The following MAL2 variants were observed in gnomAD, a reference collection of about 807,000 sequenced individuals.
MAL2 encodes mal, T cell differentiation protein 2.
A neutral mutation model predicts 18.1 loss-of-function variants in MAL2; 17 were observed. That is an observed-to-expected ratio of 0.94 (90% CI 0.64 to 1.41). The LOEUF (loss-of-function observed/expected upper bound fraction) is 1.41, where lower values mean the gene tolerates loss of function less well. Among genes scored for constraint, MAL2 ranks in the 40% most tolerant of loss-of-function variants. The pLI is 0.00. For synonymous variants in MAL2, 102 were observed against 102.3 expected, an observed-to-expected ratio of 1.00 and a Z score of 0.02; for missense variants, 222 against 231.9, an observed-to-expected ratio of 0.96 and a Z score of 0.28.
At chr8:119,230,422 A>G (rs1563774039) in intron 2 of MAL2, among the ~76,000 whole-genome samples, 1 of 150,002 alleles carries the variant, frequency 6.7e-6, no homozygotes, top group African/African-American at 2.4e-5. Context: ...GGGAGGAAGA[A>G]GCAAAATTGG....
At chr8:119,238,731 A>G (rs1817971190) in intron 2 of MAL2, among the ~76,000 whole-genome samples, 1 of 150,586 alleles carries the variant, frequency 6.6e-6, no homozygotes, top group Non-Finnish European at 1.5e-5. Context: ...ATATGTAGAA[A>G]GCTGAAACTG....
intron 2 of MAL2, among the ~76,000 whole-genome samples, chr8:119,235,328 G>A (rs925735766): frequency 2.0e-5 from 3 of 152,132 alleles, no homozygotes; most frequent in Non-Finnish European, 4.4e-5. Flanking sequence ...GTCTGATTGG[G>A]GTACCTGAAA....
intron 2 of MAL2, among the ~76,000 whole-genome samples, chr8:119,236,407 T>A (rs1469923815): frequency 6.6e-6 from 1 of 151,558 alleles, no homozygotes; most frequent in Non-Finnish European, 1.5e-5. Context: ...TCAACAAGGA[T>A]ACCCAGGAAT....
At position 119,208,727 on chromosome 8, in the gene MAL2, C is replaced by A; in HGVS notation, c.132+123C>A. The stretch of plus-strand genomic sequence containing the variant: ...CTCCTTCCCTTCGACGTGGCTTTGT[C>A]CTGCGCTCCCTCCCGGGGTCCTCTC... On this transcript the variant is annotated intron_variant, in intron 1 of 3. Coordinates refer to ENST00000614891, the MANE Select transcript of MAL2 (RefSeq NM_052886.3). This position sits in a 1 kb window ranked among gnomAD's most constrained non-coding sequence, Gnocchi z 4.3. The A allele has an allele frequency of 8.3e-7, 1 of 1,209,114 alleles. No individual in the cohort carries two copies. Among genetic ancestry groups the A allele is most frequent in the Non-Finnish European group, 1.0e-6 (1 of 971,910 alleles). 74.9% of individuals were successfully genotyped at this position (1,209,114 alleles called of 1,614,324 possible).
rs1455941616 is a variant in MAL2, at chr8:119,208,423, AGGCGGGAGGCGGC to A, written c.-44_-32del. Reference sequence around the variant, plus strand: ...GCGGCGGCAGGAGCCCGGGAGGCGGAGGCGGGAGGCGGCGGCGGCGCGCGGAGACGCAGCAGCG... The same window carrying A: ...GCGGCGGCAGGAGCCCGGGAGGCGGAGGCGGCGCGCGGAGACGCAGCAGCG... On this transcript the variant is annotated 5_prime_UTR_variant, in exon 1 of 4. Coordinates refer to ENST00000614891, the MANE Select transcript of MAL2 (RefSeq NM_052886.3). This position sits in a 1 kb window ranked among gnomAD's most constrained non-coding sequence, Gnocchi z 4.3. 26 of 1,048,622 alleles carry A rather than the reference AGGCGGGAGGCGGC, an allele frequency of 2.5e-5. No individual in the cohort carries two copies. In the South Asian group the frequency reaches 3.6e-4, roughly 15 times the overall value. The allele number at this position is 1,048,622 out of a possible 1,614,324, so 65.0% of individuals were successfully genotyped here. A position where few individuals can be genotyped will look rare whatever the true frequency, so the allele number is the denominator to read the frequency against.
chr8:119,219,500 G>A (rs191392501), intron 1 of MAL2, among the ~76,000 whole-genome samples: 37 of 151,372 alleles, frequency 2.4e-4, no homozygotes, highest in African/African-American at 6.8e-4. Context: ...ATTTAAGAGC[G>A]TGCTCTATCA....
chr8:119,225,806 G>T (rs1214139417), intron 2 of MAL2, among the ~76,000 whole-genome samples: 5 of 152,114 alleles, frequency 3.3e-5, no homozygotes, highest in African/African-American at 9.7e-5. Flanking sequence ...TTTAATGATT[G>T]CCATTCTAAC....
intron 2 of MAL2, chr8:119,223,340 G>A (rs1817508149): frequency 6.6e-6 from 1 of 152,216 alleles, no homozygotes; most frequent in Admixed American, 6.5e-5. Flanking sequence ...TAGTAGCTGT[G>A]TAGCCTCGGG....
At chr8:119,209,828 G>C (rs1197146150) in intron 1 of MAL2, among the ~76,000 whole-genome samples, 1 of 152,200 alleles carries the variant, frequency 6.6e-6, no homozygotes, top group Non-Finnish European at 1.5e-5. Context: ...TCCTGACTGC[G>C]AGGCTGGTTT....
At chr8:119,220,590 C>A (rs1323316757) in intron 1 of MAL2, among the ~76,000 whole-genome samples, 1 of 152,148 alleles carries the variant, frequency 6.6e-6, no homozygotes, top group Non-Finnish European at 1.5e-5. Context: ...GCTTCAGCAC[C>A]TCCTCGCTCA....
At chr8:119,229,807 G>GT (rs917341547) in intron 2 of MAL2, among the ~76,000 whole-genome samples, 8 of 152,072 alleles carry the variant, frequency 5.3e-5, no homozygotes, top group Admixed American at 1.3e-4. Flanking sequence ...AAAGCTCAGG[G>GT]TTTTTTTCTC....
chr8:119,216,942 A>G (rs1262623973), intron 1 of MAL2, among the ~76,000 whole-genome samples: 1 of 152,220 alleles, frequency 6.6e-6, no homozygotes, highest in Non-Finnish European at 1.5e-5. Flanking sequence ...TTAGGAAATA[A>G]GTGACATTTG....
At chr8:119,229,452 A>G (rs529196649) in intron 2 of MAL2, among the ~76,000 whole-genome samples, 1 of 151,988 alleles carries the variant, frequency 6.6e-6, no homozygotes, top group South Asian at 2.1e-4. Context: ...AACTGGGATT[A>G]CAGGCATGCA....
intron 2 of MAL2, among the ~76,000 whole-genome samples, chr8:119,237,447 C>A (rs1180166386): frequency 6.6e-6 from 1 of 151,508 alleles, no homozygotes; most frequent in Non-Finnish European, 1.5e-5. Flanking sequence ...ATGAGGCCAG[C>A]ATCATTCTGA....
At chr8:119,231,751 A>C (rs927636043) in intron 2 of MAL2, among the ~76,000 whole-genome samples, 40 of 152,238 alleles carry the variant, frequency 2.6e-4, no homozygotes, top group African/African-American at 9.4e-4. Flanking sequence ...ATTGCCTTTA[A>C]AAAGGCAGAA....
chr8:119,222,556 A>G (rs1817488111), intron 2 of MAL2, among the ~76,000 whole-genome samples: 1 of 151,654 alleles, frequency 6.6e-6, no homozygotes, highest in East Asian at 1.9e-4. Flanking sequence ...GACCAAGTGC[A>G]GTGGCTCATG....
At chr8:119,228,628 T>A (rs1817646085) in intron 2 of MAL2, among the ~76,000 whole-genome samples, 1 of 152,126 alleles carries the variant, frequency 6.6e-6, no homozygotes, top group Admixed American at 6.5e-5. Flanking sequence ...AGGCACCCAT[T>A]TCCACTCCTG....
At chr8:119,232,586 T>C (rs1267020175) in intron 2 of MAL2, among the ~76,000 whole-genome samples, 1 of 152,142 alleles carries the variant, frequency 6.6e-6, no homozygotes, top group Non-Finnish European at 1.5e-5. Flanking sequence ...AGTATATATG[T>C]TAGTAGTTTT....
chr8:119,229,138 AGTG>A (rs1817655550), intron 2 of MAL2, among the ~76,000 whole-genome samples: 1 of 152,194 alleles, frequency 6.6e-6, no homozygotes, highest in Admixed American at 6.5e-5. Context: ...AGCATTCTAA[AGTG>A]ATGCTTCTGG....
Sources: gnomAD v4.1 joint callset for allele counts (sites outside exome capture counted in the v4.1 genomes callset) on GRCh38, gnomAD v4.1.1 for gene constraint, Gnocchi (gnomAD v3.1) non-coding constraint, MANE v1.5 for transcripts, NCBI Gene and HGNC (gene_info 2026-07-23, HGNC 2026-07-21) for gene names.